SSBP2: variants seen among roughly 807,000 people sequenced by gnomAD.
SSBP2 encodes the protein single-stranded DNA-binding protein 2.
A neutral mutation model predicts 61.8 loss-of-function variants in SSBP2; 17 were observed. That is an observed-to-expected ratio of 0.28 (90% confidence interval 0.19 to 0.41). The LOEUF (loss-of-function observed/expected upper bound fraction) is 0.41, where lower values mean the gene tolerates loss of function less well. SSBP2 is among the 10% of genes least tolerant of loss of function. The pLI is 1.00. For missense variants in SSBP2, 310 were observed against 458.7 expected (o/e 0.68, Z 2.96); for synonymous variants, 139 against 141.3 (o/e 0.98, Z 0.12).
At chr5:81,439,493 G>A (rs970263769) in intron 14 of SSBP2, among the ~76,000 whole-genome samples, 5 of 143,848 alleles carry the variant, frequency 3.5e-5, no homozygotes, top group Middle Eastern at 3.6e-3. Context: ...CACTTATAAA[G>A]TATGTTTTCT....
chr5:81,518,599 G>A (rs1580898171), intron 4 of SSBP2, among the ~76,000 whole-genome samples: 1 of 151,978 alleles, frequency 6.6e-6, no homozygotes, highest in Non-Finnish European at 1.5e-5. Flanking sequence ...ACCCAGTCTC[G>A]GATATTCTGT....
chr5:81,498,637 CCT>C, intron 5 of SSBP2, among the ~76,000 whole-genome samples: 1 of 151,836 alleles, frequency 6.6e-6, no homozygotes. Context: ...CATGATGTGC[CCT>C]TTTTTAGTTA....
rs1300854512 is a variant in SSBP2, at chr5:81,415,283, G to C, written c.*5221C>G. On this transcript the variant is annotated 3_prime_UTR_variant, in exon 17 of 17. Transcript: ENST00000320672. ...TTTTCAAAGACAGAGAACTACAGTTGTCCCTCCGTATCCAAGGGAGACCGG... is the reference window on the plus strand; with the variant it reads ...TTTTCAAAGACAGAGAACTACAGTTCTCCCTCCGTATCCAAGGGAGACCGG... The C allele has an allele frequency of 6.6e-6, 1 of 152,154 alleles. No individual in the cohort carries two copies. Among genetic ancestry groups the C allele is most frequent in the Non-Finnish European group, 1.5e-5 (1 of 68,038 alleles). The allele number at this position is 152,154 out of a possible 1,614,324, so 9.4% of individuals were successfully genotyped here. A position where few individuals can be genotyped will look rare whatever the true frequency, so the allele number is the denominator to read the frequency against.
intron 4 of SSBP2, among the ~76,000 whole-genome samples, chr5:81,530,907 G>A (rs1400132368): frequency 6.6e-6 from 1 of 152,056 alleles, no homozygotes; most frequent in Non-Finnish European, 1.5e-5. Flanking sequence ...AAGCAAACAA[G>A]TTTAGAAGTC....
At chr5:81,587,291 C>T (rs2917542) in intron 4 of SSBP2, among the ~76,000 whole-genome samples, 96,315 of 152,034 alleles carry the variant, frequency 0.63, 31,343 homozygotes, top group East Asian at 0.93. Context: ...TATGAGTGTA[C>T]ATTAAATTTT....
At chr5:81,429,825 T>C (rs1455318394) in intron 15 of SSBP2, among the ~76,000 whole-genome samples, 1 of 152,150 alleles carries the variant, frequency 6.6e-6, no homozygotes, top group South Asian at 2.1e-4. Flanking sequence ...CAGAGATAGA[T>C]AGATGAGCTG....
chr5:81,528,461 T>A (rs923862425), intron 4 of SSBP2, among the ~76,000 whole-genome samples: 2 of 152,028 alleles, frequency 1.3e-5, no homozygotes, highest in Admixed American at 1.3e-4. Context: ...CAATGTTAAG[T>A]TATGAACATG....
chr5:81,593,210 C>T (rs1414637928), intron 4 of SSBP2, among the ~76,000 whole-genome samples: 2 of 152,052 alleles, frequency 1.3e-5, no homozygotes, highest in African/African-American at 4.8e-5. Context: ...GCCTCAGTAG[C>T]CGATGCCATC....
chr5:81,458,007 A>G lies in SSBP2; in HGVS notation c.687+3048T>C, dbSNP rs539511722. On this transcript the variant is annotated intron_variant, in intron 10 of 16. Transcript: ENST00000320672. ...TGTAGTATCCCTGACAAATATATAT[A>G]ACCTAAATCTAATCAGAAGGAAATA... Among the ~76,000 whole-genome samples, 48 of 152,246 alleles carry G rather than the reference A, an allele frequency of 3.2e-4. 1 individual carries two copies. The highest frequency in any genetic ancestry group is 3.1e-3 in the South Asian group (15 of 4,822).
chr5:81,683,005 C>T (rs1340911829), intron 1 of SSBP2, among the ~76,000 whole-genome samples: 2 of 151,994 alleles, frequency 1.3e-5, no homozygotes, highest in African/African-American at 4.8e-5. Flanking sequence ...TGTTGAAAGA[C>T]ATCAAAAAAG....
chr5:81,575,891 A>G (rs1774177024), intron 4 of SSBP2, among the ~76,000 whole-genome samples: 1 of 152,216 alleles, frequency 6.6e-6, no homozygotes, highest in Non-Finnish European at 1.5e-5. Flanking sequence ...AGTGTTCTAC[A>G]GATGTGATGG....
chr5:81,534,888 T>C (rs1770696611), intron 4 of SSBP2, among the ~76,000 whole-genome samples: 1 of 151,374 alleles, frequency 6.6e-6, no homozygotes. Flanking sequence ...GAAAGCAAAA[T>C]CCCATCTAGG....
intron 4 of SSBP2, among the ~76,000 whole-genome samples, chr5:81,544,755 C>T (rs1230911710): frequency 6.6e-6 from 1 of 150,442 alleles, no homozygotes; most frequent in Non-Finnish European, 1.5e-5. Flanking sequence ...GCTCACTAAA[C>T]CTGTTTTTGC....
At chr5:81,574,535 C>T (rs1774065590) in intron 4 of SSBP2, among the ~76,000 whole-genome samples, 1 of 151,734 alleles carries the variant, frequency 6.6e-6, no homozygotes, top group Non-Finnish European at 1.5e-5. Flanking sequence ...TGGCTGAAAA[C>T]TTTCCAAACT....
intron 1 of SSBP2, among the ~76,000 whole-genome samples, chr5:81,709,732 T>G (rs1407019901): frequency 6.6e-6 from 1 of 151,866 alleles, no homozygotes; most frequent in Non-Finnish European, 1.5e-5. Flanking sequence ...ATATATCAAT[T>G]TTGGTATTAG....
chr5:81,567,474 T>C (rs894376233), intron 4 of SSBP2, among the ~76,000 whole-genome samples: 1 of 152,230 alleles, frequency 6.6e-6, no homozygotes, highest in Non-Finnish European at 1.5e-5. Context: ...AACGCTTGGA[T>C]GCCCAGGCAG....
intron 5 of SSBP2, among the ~76,000 whole-genome samples, chr5:81,501,563 CTTT>C (rs71603598): frequency 2.6e-5 from 3 of 117,376 alleles, no homozygotes; most frequent in African/African-American, 3.0e-5. Context: ...TCTTTCTTTT[CTTT>C]TTTTTTTTTT....
chr5:81,421,771 G>A (rs553670975), intron 16 of SSBP2, among the ~76,000 whole-genome samples: 71 of 152,258 alleles, frequency 4.7e-4, no homozygotes, highest in African/African-American at 1.7e-3. Flanking sequence ...CTTGTTCTGT[G>A]GTCTGTGCTG....
chr5:81,625,853 T>C (rs987029894), intron 3 of SSBP2, among the ~76,000 whole-genome samples: 10 of 152,190 alleles, frequency 6.6e-5, no homozygotes, highest in Admixed American at 1.3e-4. Context: ...ATACAACTTA[T>C]GCCACTGGCC....
Sources: allele counts gnomAD v4.1 joint callset (sites outside exome capture counted in the v4.1 genomes callset), GRCh38; gene constraint gnomAD v4.1.1; transcripts MANE v1.5; gene names NCBI Gene and HGNC (gene_info 2026-07-23, HGNC 2026-07-21).